Variants in PRR5L observed in about 807,000 individuals in gnomAD.
PRR5L encodes proline rich 5 like.
A neutral mutation model predicts 36.4 loss-of-function variants in PRR5L; 21 were observed. The ratio of observed to expected loss-of-function variants is 0.58; its 90% CI spans 0.41 to 0.83. PRR5L has a LOEUF of 0.83. Among genes scored for constraint, PRR5L ranks in the 40% least tolerant of loss-of-function variants. The pLI is 0.00. For missense variants in PRR5L, 381 were observed against 473.3 expected, an observed-to-expected ratio of 0.80 and a Z score of 1.81; for synonymous variants, 188 against 197.0, an observed-to-expected ratio of 0.95 and a Z score of 0.38.
chr11:36,430,257 CA>C (rs1428189751), intron 4 of PRR5L, among the ~76,000 whole-genome samples: 2 of 151,944 alleles, frequency 1.3e-5, no homozygotes, highest in African/African-American at 2.4e-5. Flanking sequence ...CAAAAAAGTA[CA>C]AAAATTAGCT....
chr11:36,432,301 G>C (rs1858517057), intron 5 of PRR5L, among the ~76,000 whole-genome samples: 1 of 152,080 alleles, frequency 6.6e-6, no homozygotes, highest in African/African-American at 2.4e-5. Context: ...ACAGGCCTTT[G>C]TAATATTTCT....
At chr11:36,375,914 A>G in intron 1 of PRR5L, 1 of 290,956 alleles carries the variant, frequency 3.4e-6, no homozygotes, top group Non-Finnish European at 6.9e-6. Context: ...GAATCGCCAG[A>G]GTTCCAGGCT....
intron 1 of PRR5L, among the ~76,000 whole-genome samples, chr11:36,373,568 C>A (rs1481581697): frequency 6.0e-5 from 9 of 149,238 alleles, no homozygotes; most frequent in South Asian, 4.2e-4. Flanking sequence ...CACTGCAGTC[C>A]AGCCTAGGCG....
intron 1 of PRR5L, among the ~76,000 whole-genome samples, chr11:36,359,266 G>C (rs1395786556): frequency 6.6e-6 from 1 of 152,194 alleles, no homozygotes; most frequent in Non-Finnish European, 1.5e-5. Flanking sequence ...GCCATTTTAG[G>C]TGAAAGATTA....
chr11:36,365,994 A>G (rs531393607), intron 1 of PRR5L, among the ~76,000 whole-genome samples: 1 of 152,276 alleles, frequency 6.6e-6, no homozygotes, highest in East Asian at 1.9e-4. Context: ...GCAGAAATCT[A>G]ATTTCTCACA....
intron 3 of PRR5L, among the ~76,000 whole-genome samples, chr11:36,404,903 C>T (rs529939861): frequency 7.9e-5 from 12 of 152,236 alleles, no homozygotes; most frequent in African/African-American, 2.4e-4. Context: ...GTGACAGGGG[C>T]AAAGTGGGGT....
At chr11:36,370,449 T>C (rs1167125943) in intron 1 of PRR5L, among the ~76,000 whole-genome samples, 2 of 152,236 alleles carry the variant, frequency 1.3e-5, no homozygotes, top group East Asian at 1.9e-4. Context: ...GTTTGTCTTC[T>C]GCTCTTTGGT....
chr11:36,376,780 A>G, intron 1 of PRR5L: 2 of 946,378 alleles, frequency 2.1e-6, no homozygotes, highest in African/African-American at 1.8e-5. Flanking sequence ...TTGAGCGAAA[A>G]TTACCGCGCG....
chr11:36,354,189 T>C (rs1445327417), intron 1 of PRR5L, among the ~76,000 whole-genome samples: 2 of 152,230 alleles, frequency 1.3e-5, no homozygotes, highest in East Asian at 3.8e-4. Context: ...ACTTCCTGAC[T>C]GTTTTGAAGA....
intron 1 of PRR5L, among the ~76,000 whole-genome samples, chr11:36,377,000 C>G (rs913364053): frequency 1.2e-4 from 19 of 152,080 alleles, no homozygotes; most frequent in Non-Finnish European, 2.5e-4. Context: ...GAAGTACCGC[C>G]GTGAGGTGGG....
At position 36,344,595 on chromosome 11, in the gene PRR5L, G is replaced by A. The variant is rs1183358240; in HGVS notation, c.-126+48157G>A. On this transcript the variant is annotated intron_variant, in intron 1 of 8. Coordinates refer to ENST00000530639, the MANE Select transcript of PRR5L (RefSeq NM_001160167.2). This position sits in a 1 kb window ranked among gnomAD's most constrained non-coding sequence, Gnocchi z 4.1. ...TTTATATTTCTTAGTATTTTATCAG[G>A]GCAGATTTCTGGAAAGGGTATTACT... Among the ~76,000 whole-genome samples, 1 of 152,068 alleles carries A rather than the reference G, an allele frequency of 6.6e-6. No individual in the cohort carries two copies. Among genetic ancestry groups the A allele is most frequent in the Non-Finnish European group, 1.5e-5 (1 of 67,986 alleles).
chr11:36,460,323 C>T (rs979606574), intron 8 of PRR5L, among the ~76,000 whole-genome samples: 1 of 152,148 alleles, frequency 6.6e-6, no homozygotes, highest in Non-Finnish European at 1.5e-5. Context: ...GCATCTCAGA[C>T]GCGATGTGGC....
At chr11:36,451,777 A>C (rs925176234) in intron 8 of PRR5L, among the ~76,000 whole-genome samples, 7 of 152,160 alleles carry the variant, frequency 4.6e-5, no homozygotes, top group African/African-American at 1.7e-4. Context: ...GCATGGCCAG[A>C]TGTTATCGAG....
intron 1 of PRR5L, chr11:36,375,994 T>C (rs1168771774): frequency 1.6e-5 from 7 of 425,570 alleles, no homozygotes; most frequent in Non-Finnish European, 3.1e-5. Flanking sequence ...GGCTTGGCAG[T>C]TTCCCATTGC....
rs1433124995 is a variant in PRR5L at position 36,446,455 on chromosome 11, G to A, written c.585+15G>A. 2 of 1,613,524 alleles carry A rather than the reference G, an allele frequency of 1.2e-6. No homozygotes were observed. ...TCATCCTGCAGGTGAGGCTGTGCTG[G>A]AGACTTGCCCCAAGGCAGAGGGAGG... On this transcript the variant is annotated intron_variant, in intron 7 of 8. Coordinates refer to ENST00000530639, the MANE Select transcript of PRR5L (RefSeq NM_001160167.2).
At chr11:36,299,364 G>T (rs1376558743) in intron 1 of PRR5L, among the ~76,000 whole-genome samples, 1 of 152,166 alleles carries the variant, frequency 6.6e-6, no homozygotes, top group Non-Finnish European at 1.5e-5. Context: ...TGGGTAGTGG[G>T]CAATTGGGAC....
At chr11:36,351,379 T>A (rs1449252903) in intron 1 of PRR5L, among the ~76,000 whole-genome samples, 8 of 86,088 alleles carry the variant, frequency 9.3e-5, no homozygotes, top group Non-Finnish European at 1.6e-4. Flanking sequence ...TATACATATA[T>A]ATCAAATAAA....
intron 6 of PRR5L, among the ~76,000 whole-genome samples, chr11:36,439,498 C>T (rs1328745327): frequency 6.6e-6 from 1 of 152,176 alleles, no homozygotes; most frequent in Non-Finnish European, 1.5e-5. Context: ...AATTCTGCTT[C>T]TCTTCTCGAG....
At chr11:36,351,498 T>C (rs1333196258) in intron 1 of PRR5L, among the ~76,000 whole-genome samples, 1 of 16,884 alleles carries the variant, frequency 5.9e-5, no homozygotes, top group African/African-American at 3.7e-4. Context: ...TATTTATATA[T>C]ATTTTTATAT....
Sources: gnomAD v4.1 joint callset for allele counts (sites outside exome capture counted in the v4.1 genomes callset) on GRCh38, gnomAD v4.1.1 for gene constraint, Gnocchi (gnomAD v3.1) non-coding constraint, MANE v1.5 for transcripts, NCBI Gene and HGNC (gene_info 2026-07-23, HGNC 2026-07-21) for gene names.